The following AFF1 variants were observed in gnomAD, a reference collection of about 807,000 sequenced individuals.
The protein encoded by AFF1 is AF4/FMR2 family member 1.
A neutral mutation model predicts 121.7 loss-of-function variants in AFF1; 48 were observed. The observed-to-expected ratio is 0.39, with a 90% CI of 0.31 to 0.50. The LOEUF (loss-of-function observed/expected upper bound fraction) is 0.50. AFF1 is among the 20% of genes least tolerant of loss of function. The pLI is 0.76. For synonymous variants in AFF1, 613 were observed against 563.0 expected, an observed-to-expected ratio of 1.09 and a Z score of -1.26; for missense variants, 1,523 against 1,511.7, an observed-to-expected ratio of 1.01 and a Z score of -0.12.
At chr4:87,014,709 G>A (rs1352946749) in intron 2 of AFF1, among the ~76,000 whole-genome samples, 1 of 152,198 alleles carries the variant, frequency 6.6e-6, no homozygotes, top group Non-Finnish European at 1.5e-5. Flanking sequence ...GGTCAAGACA[G>A]ACCCAAGATT....
intron 2 of AFF1, chr4:87,020,835 A>G (rs1727824704): frequency 2.0e-6 from 2 of 985,182 alleles, no homozygotes; most frequent in Non-Finnish European, 2.4e-6. Context: ...CGTCTTTTCA[A>G]ATTGTCCTGT....
At chr4:86,954,629 T>C (rs1246226832) in intron 2 of AFF1, among the ~76,000 whole-genome samples, 1 of 152,116 alleles carries the variant, frequency 6.6e-6, no homozygotes, top group Non-Finnish European at 1.5e-5. Flanking sequence ...GGTAAAGGCC[T>C]GAGGTGGGAG....
chr4:87,064,670 G>C (rs1344163320), intron 4 of AFF1, among the ~76,000 whole-genome samples: 2 of 152,106 alleles, frequency 1.3e-5, no homozygotes, highest in Non-Finnish European at 2.9e-5. Context: ...TCTGAGGTCA[G>C]GAATTCGAGA....
intron 2 of AFF1, among the ~76,000 whole-genome samples, chr4:87,045,167 G>A (rs1483618103): frequency 1.3e-5 from 2 of 152,136 alleles, no homozygotes; most frequent in East Asian, 3.9e-4. Context: ...ATCAGGGCTA[G>A]AATTTCCGAA....
intron 14 of AFF1, 101 bp downstream of exon 14, chr4:87,126,437 C>T: frequency 8.9e-7 from 1 of 1,126,194 alleles, no homozygotes; most frequent in Non-Finnish European, 1.3e-6. Flanking sequence ...CAGAACTGTC[C>T]ATTGCTTTTA....
chr4:87,116,840 G>A (rs1727176123), intron 12 of AFF1, among the ~76,000 whole-genome samples: 1 of 152,104 alleles, frequency 6.6e-6, no homozygotes, highest in African/African-American at 2.4e-5. Context: ...GGGTGTGTGT[G>A]TGTGTGTATG....
At chr4:87,084,463 C>T (rs1057113432) in intron 5 of AFF1, among the ~76,000 whole-genome samples, 12 of 151,702 alleles carry the variant, frequency 7.9e-5, no homozygotes, top group African/African-American at 1.9e-4. Flanking sequence ...CTCCTGAACT[C>T]GATTGAACCC....
At chr4:86,958,993 A>AG (rs1721954015) in intron 2 of AFF1, among the ~76,000 whole-genome samples, 1 of 152,184 alleles carries the variant, frequency 6.6e-6, no homozygotes, top group African/African-American at 2.4e-5. Context: ...CCTCTCTTCC[A>AG]GGGGACATTT....
At chr4:86,960,738 C>G (rs578136691) in intron 2 of AFF1, among the ~76,000 whole-genome samples, 31 of 152,264 alleles carry the variant, frequency 2.0e-4, no homozygotes, top group Admixed American at 1.9e-3. Context: ...AGTAAACTCT[C>G]GTTGTGTAGT....
chr4:86,971,577 C>T (rs1722950704), intron 2 of AFF1, among the ~76,000 whole-genome samples: 1 of 152,202 alleles, frequency 6.6e-6, no homozygotes, highest in Non-Finnish European at 1.5e-5. Context: ...TATTATAAGG[C>T]TGGTAAATTA....
intron 2 of AFF1, among the ~76,000 whole-genome samples, chr4:86,958,538 G>C (rs1488308481): frequency 6.6e-6 from 1 of 151,098 alleles, no homozygotes; most frequent in Non-Finnish European, 1.5e-5. Context: ...GACCTACATG[G>C]TGAAACCCCG....
intron 12 of AFF1, among the ~76,000 whole-genome samples, chr4:87,119,028 C>CAT: frequency 1.2e-5 from 1 of 86,822 alleles, no homozygotes; most frequent in East Asian, 3.0e-4. Flanking sequence ...GAGTTACTTT[C>CAT]ATTTTCCACA....
chr4:87,117,388 G>C (rs1252229369), intron 12 of AFF1, among the ~76,000 whole-genome samples: 1 of 152,176 alleles, frequency 6.6e-6, no homozygotes, highest in Non-Finnish European at 1.5e-5. Context: ...GTCTGCCTCC[G>C]TGGTACTGTC....
Position 86,998,122 on chromosome 4 carries a change from A to AAAC in AFF1, c.39-48042_39-48041insCAA, listed in dbSNP as rs1725378743. Reference sequence around the variant, plus strand: ...TCAAAAAAAAAAAAAAAAAAAAAAAAAAAAACAAGAAAACTGCGTGGACAG... The same window carrying AAAC: ...TCAAAAAAAAAAAAAAAAAAAAAAAAAACAAAAACAAGAAAACTGCGTGGACAG... On this transcript the variant is annotated intron_variant, in intron 2 of 20. Transcript: ENST00000395146. Among the ~76,000 whole-genome samples, 3 of 138,844 alleles carry AAAC rather than the reference A, an allele frequency of 2.2e-5. No homozygotes were observed. In the South Asian group the frequency reaches 6.5e-4, roughly 30 times the overall value. The allele number at this position is 138,844 out of a possible 152,430, so 91.1% of individuals were successfully genotyped here.
rs778533731 is a variant in AFF1 at position 86,976,232 on chromosome 4, G to GTA, written c.38+27663_38+27664dup. Among the ~76,000 whole-genome samples, 19 of 152,262 alleles carry GTA rather than the reference G, an allele frequency of 1.2e-4. No individual in the cohort carries two copies. The South Asian group carries it at 3.9e-3, about 32-fold the overall frequency. On this transcript the variant is annotated intron_variant, in intron 2 of 20. Coordinates refer to ENST00000395146, the MANE Select transcript of AFF1 (RefSeq NM_001166693.3). ...TAAAACAATTTGGGTTGTGTTCACAGTATTTAACACATCTATACTCACATT... is the reference window on the plus strand; with the variant it reads ...TAAAACAATTTGGGTTGTGTTCACAGTATATTTAACACATCTATACTCACATT...
chr4:87,001,330 C>T (rs770654091), intron 2 of AFF1, among the ~76,000 whole-genome samples: 41 of 147,668 alleles, frequency 2.8e-4, no homozygotes, highest in Non-Finnish European at 5.4e-4. Flanking sequence ...GATTCTCCTA[C>T]CTCAGCCTCC....
chr4:87,114,796 A>G lies in AFF1; in HGVS notation c.1963A>G (p.Lys655Glu). 6.2e-7 allele frequency: 1 copy of G among 1,613,062 alleles called. No individual in the cohort carries two copies. Among genetic ancestry groups the G allele is most frequent in the African/African-American group, 1.3e-5 (1 of 74,890 alleles). Residue 655 changes from lysine (K) to glutamate (E), a missense_variant, in exon 12 of 21, where the codon AAA becomes GAA. This residue lies in a region of AFF1 where 905 missense variants were observed against 842.5 expected (regional missense o/e 1.07). Coordinates refer to ENST00000395146, the MANE Select transcript of AFF1 (RefSeq NM_001166693.3). ...TSKDKPKVKT[K>E]GRPRAAASNE... ...CAAAGACAAGCCCAAGGTGAAGACG[A>G]AAGGACGGCCCCGGGCCGCAGCAAG...
At chr4:86,943,831 G>A (rs1278599573) in intron 1 of AFF1, among the ~76,000 whole-genome samples, 3 of 151,910 alleles carry the variant, frequency 2.0e-5, no homozygotes, top group South Asian at 4.2e-4. Flanking sequence ...GCGTGGTGGT[G>A]CATGCCTGTA....
At chr4:87,033,460 G>A (rs1729262520) in intron 2 of AFF1, among the ~76,000 whole-genome samples, 1 of 152,196 alleles carries the variant, frequency 6.6e-6, no homozygotes, top group Admixed American at 6.5e-5. Flanking sequence ...CTTTTGGAAT[G>A]GTAAATCCTG....
Sources: allele counts gnomAD v4.1 joint callset (sites outside exome capture counted in the v4.1 genomes callset), GRCh38; gene constraint gnomAD v4.1.1; regional missense constraint gnomAD v4.1.1; transcripts MANE v1.5; gene names NCBI Gene and HGNC (gene_info 2026-07-23, HGNC 2026-07-21).